Variants in NELL2 observed in about 807,000 individuals in gnomAD.
The protein encoded by NELL2 is protein kinase C-binding protein NELL2.
NELL2 carries 41 observed loss-of-function variants against 109.6 expected under a neutral mutation model. The observed-to-expected ratio is 0.37, with a 90% confidence interval of 0.29 to 0.49. The LOEUF (loss-of-function observed/expected upper bound fraction) is 0.49. Ranked by LOEUF, NELL2 falls within the 20% of genes least tolerant of loss-of-function variation. The pLI is 0.98. For missense variants in NELL2, 900 were observed against 1,008.3 expected, an observed-to-expected ratio of 0.89 and a Z score of 1.45; for synonymous variants, 355 against 344.7, an observed-to-expected ratio of 1.03 and a Z score of -0.33.
At chr12:44,544,554 A>G (rs1028017662) in intron 15 of NELL2, among the ~76,000 whole-genome samples, 2 of 152,108 alleles carry the variant, frequency 1.3e-5, no homozygotes, top group African/African-American at 4.8e-5. Context: ...AGGGTGCTGG[A>G]AAGTGAGCAG....
chr12:44,795,706 T>C (rs919765469), intron 3 of NELL2, among the ~76,000 whole-genome samples: 3 of 152,118 alleles, frequency 2.0e-5, no homozygotes, highest in African/African-American at 4.8e-5. Flanking sequence ...ATCACTGGTA[T>C]GCGGGGACTC....
upstream of NELL2, among the ~76,000 whole-genome samples, chr12:44,879,735 G>C (rs1945389420): frequency 1.3e-5 from 2 of 151,966 alleles, no homozygotes; most frequent in South Asian, 4.1e-4. Flanking sequence ...AGAGTAGTAA[G>C]CTTTGAAGAA....
chr12:44,846,852 GTTTAT>G (rs1276569092), intron 2 of NELL2, among the ~76,000 whole-genome samples: 1 of 152,038 alleles, frequency 6.6e-6, no homozygotes, highest in Non-Finnish European at 1.5e-5. Context: ...ATGTTATTTG[GTTTAT>G]TTTAAGTTAT....
intron 9 of NELL2, among the ~76,000 whole-genome samples, chr12:44,731,780 A>C (rs945276337): frequency 6.6e-6 from 1 of 152,054 alleles, no homozygotes. Flanking sequence ...AAAGGCATCC[A>C]AATTAGAAAG....
At chr12:44,890,975 C>T (rs970072717) in intron 1 of NELL2, among the ~76,000 whole-genome samples, 1 of 152,166 alleles carries the variant, frequency 6.6e-6, no homozygotes, top group Non-Finnish European at 1.5e-5. Context: ...GGTGATCCAC[C>T]CGCCTCGGCA....
intron 15 of NELL2, among the ~76,000 whole-genome samples, chr12:44,587,309 T>TATA (rs1565974434): frequency 2.7e-4 from 19 of 69,608 alleles, no homozygotes; most frequent in South Asian, 1.7e-3. Context: ...ATATATATAT[T>TATA]TTTTTTTAAA....
intron 9 of NELL2, among the ~76,000 whole-genome samples, chr12:44,734,226 A>G (rs765847448): frequency 6.6e-6 from 1 of 151,936 alleles, no homozygotes; most frequent in Non-Finnish European, 1.5e-5. Context: ...AAATTTTATA[A>G]TTATTAAGTA....
At chr12:44,600,637 C>T (rs1327403929) in intron 15 of NELL2, among the ~76,000 whole-genome samples, 2 of 152,174 alleles carry the variant, frequency 1.3e-5, no homozygotes, top group Admixed American at 1.3e-4. Flanking sequence ...AAGATCTTGG[C>T]CCTAAGACAT....
upstream of NELL2, chr12:44,876,640 G>C: frequency 6.4e-7 from 1 of 1,551,406 alleles, no homozygotes; most frequent in Admixed American, 2.0e-5. Flanking sequence ...TGAAAGACAG[G>C]AGAGAAAAAA....
chr12:44,781,160 T>C (rs1017476485), intron 3 of NELL2, among the ~76,000 whole-genome samples: 5 of 149,886 alleles, frequency 3.3e-5, no homozygotes, highest in Non-Finnish European at 7.4e-5. Context: ...ATGAAAAAAA[T>C]AGAAAGTTTC....
chr12:44,784,522 T>G (rs536902583), intron 3 of NELL2, among the ~76,000 whole-genome samples: 3 of 152,204 alleles, frequency 2.0e-5, no homozygotes, highest in Admixed American at 2.0e-4. Flanking sequence ...CCTCCCTAAC[T>G]CATTTTATGA....
Position 44,779,744 on chromosome 12 carries a change from T to C in NELL2, c.525A>G (p.Val175=), listed in dbSNP as rs140658928. The C allele has an allele frequency of 6.9e-5, 112 of 1,613,852 alleles. No individual in the cohort carries two copies. The highest frequency in any genetic ancestry group is 9.1e-5 in the Non-Finnish European group (107 of 1,179,852). The change falls in exon 5 of 20, where the codon GTA becomes GTG. Residue 175 remains valine (V), a synonymous_variant. Coordinates refer to ENST00000429094, the MANE Select transcript of NELL2 (RefSeq NM_001145108.2). ...GCAAGTCTGTGGAGGGCTTTTCTAC[T>C]ACCCTTTCATAAATTCTGCAAAAAA... ...HIDCNKIYER[V]VEKPSTDLPL...
At chr12:44,891,287 A>G (rs1411274290) in intron 1 of NELL2, among the ~76,000 whole-genome samples, 2 of 152,176 alleles carry the variant, frequency 1.3e-5, no homozygotes, top group Non-Finnish European at 2.9e-5. Flanking sequence ...CCCAGAAGAG[A>G]GGTCTGGACT....
chr12:44,703,695 C>A (rs1182721926), intron 12 of NELL2, 31 bp downstream of exon 12: 6 of 1,610,298 alleles, frequency 3.7e-6, no homozygotes, highest in South Asian at 1.1e-5. Flanking sequence ...AAAATTTATA[C>A]AGCTGAGCTA....
Position 44,787,766 on chromosome 12 carries a change from A to G in NELL2, c.336-7744T>C, listed in dbSNP as rs144559733. On this transcript the variant is annotated intron_variant, in intron 3 of 19. Transcript: ENST00000429094. The stretch of plus-strand genomic sequence containing the variant: ...AACATCCAAATGTTAAGGGAAAAAA[A>G]AAAATTTTAACTTCAGTCTCACACT... Among the ~76,000 whole-genome samples, 241 of 152,324 alleles carry G rather than the reference A, an allele frequency of 1.6e-3. 2 individuals are homozygous for G. The highest frequency in any genetic ancestry group is 4.3e-3 in the Admixed American group (66 of 15,298).
chr12:44,526,701 T>A (rs755583063), intron 16 of NELL2, among the ~76,000 whole-genome samples: 1 of 152,200 alleles, frequency 6.6e-6, no homozygotes, highest in South Asian at 2.1e-4. Context: ...GAAAATATGG[T>A]TGACGTTATT....
intron 9 of NELL2, among the ~76,000 whole-genome samples, chr12:44,721,168 CTAACTT>C (rs1483731530): frequency 6.6e-6 from 1 of 152,182 alleles, no homozygotes; most frequent in Non-Finnish European, 1.5e-5. Context: ...ATTTTTGACT[CTAACTT>C]TACCAATTTA....
chr12:44,615,941 G>A (rs1365793436), intron 13 of NELL2, among the ~76,000 whole-genome samples: 2 of 152,148 alleles, frequency 1.3e-5, no homozygotes, highest in African/African-American at 4.8e-5. Flanking sequence ...AAAGTAACCA[G>A]CTAACAGAAC....
chr12:44,637,480 T>C (rs919510362), intron 13 of NELL2, among the ~76,000 whole-genome samples: 1 of 139,574 alleles, frequency 7.2e-6, no homozygotes, highest in African/African-American at 2.7e-5. Context: ...ACAGTAGGTG[T>C]TATGAAAGAA....
Sources: allele counts gnomAD v4.1 joint callset (sites outside exome capture counted in the v4.1 genomes callset), GRCh38; gene constraint gnomAD v4.1.1; transcripts MANE v1.5; gene names NCBI Gene and HGNC (gene_info 2026-07-23, HGNC 2026-07-21).